KIF5C: variants seen among roughly 807,000 people sequenced by gnomAD.
KIF5C encodes the protein kinesin heavy chain isoform 5C.
A neutral mutation model predicts 125.2 loss-of-function variants in KIF5C; 18 were observed. The ratio of observed to expected loss-of-function variants is 0.14; its 90% CI spans 0.10 to 0.21. The LOEUF is 0.21. Among genes scored for constraint, KIF5C ranks in the 10% least tolerant of loss-of-function variants. The probability of loss-of-function intolerance (pLI) is 1.00; values close to 1 mark genes in which losing one functional copy is unlikely to be tolerated. For synonymous variants in KIF5C, 405 were observed against 434.0 expected (o/e 0.93, Z 0.83); for missense variants, 780 against 1,183.8 (o/e 0.66, Z 5.01).
At chr2:148,887,482 A>G (rs1280864091) in intron 1 of KIF5C, among the ~76,000 whole-genome samples, 1 of 152,180 alleles carries the variant, frequency 6.6e-6, no homozygotes, top group Non-Finnish European at 1.5e-5. Flanking sequence ...CGCTATCAAT[A>G]ACCTAAGTCC....
In KIF5C at chr2:149,025,534, C is replaced by T. The variant is rs1309931306; in HGVS notation, c.*2464C>T. 6.6e-6 allele frequency: 1 copy of T among 152,296 alleles called. No individual in the cohort carries two copies. Among genetic ancestry groups the T allele is most frequent in the African/African-American group, 2.4e-5 (1 of 41,434 alleles). 9.4% of individuals were successfully genotyped at this position (152,296 alleles called of 1,614,324 possible). A position where few individuals can be genotyped will look rare whatever the true frequency, so the allele number is the denominator to read the frequency against. ...GCTCCCTGTACTTTAAATGTAAAAACCACACTTCTGAACAACTAAGCTCAT... is the reference window on the plus strand; with the variant it reads ...GCTCCCTGTACTTTAAATGTAAAAATCACACTTCTGAACAACTAAGCTCAT... On this transcript the variant is annotated 3_prime_UTR_variant, in exon 26 of 26. Coordinates refer to ENST00000435030, the MANE Select transcript of KIF5C (RefSeq NM_004522.3).
intron 1 of KIF5C, among the ~76,000 whole-genome samples, chr2:148,921,139 G>A (rs1272883790): frequency 6.6e-6 from 1 of 152,192 alleles, no homozygotes; most frequent in Non-Finnish European, 1.5e-5. Flanking sequence ...TAAATGCCCA[G>A]TAACTCCTTA....
At chr2:149,013,259 G>A (rs1006751515) in intron 25 of KIF5C, among the ~76,000 whole-genome samples, 1 of 152,178 alleles carries the variant, frequency 6.6e-6, no homozygotes, top group African/African-American at 2.4e-5. Context: ...CCTGCCTCCT[G>A]AACTCAAGGC....
intron 10 of KIF5C, 123 bp downstream of exon 10, chr2:148,950,585 G>T: frequency 1.5e-6 from 2 of 1,346,396 alleles, no homozygotes; most frequent in Non-Finnish European, 1.9e-6. Flanking sequence ...AAGGCGGGTG[G>T]ATTGCCTGAG....
intron 1 of KIF5C, among the ~76,000 whole-genome samples, chr2:148,885,041 GCTCACTGCAACCTCCGCCTCCA>G (rs1263682061): frequency 6.6e-6 from 1 of 150,448 alleles, no homozygotes; most frequent in African/African-American, 2.5e-5. Flanking sequence ...CACGATCTTG[GCTCACTGCAACCTCCGCCTCCA>G]CTCACTGCAA....
chr2:148,968,779 T>C (rs1680816304), intron 11 of KIF5C, among the ~76,000 whole-genome samples: 1 of 152,002 alleles, frequency 6.6e-6, no homozygotes, highest in Admixed American at 6.5e-5. Context: ...TTTTTTTTTT[T>C]TAACATCACA....
rs141619713 is a variant in KIF5C, at chr2:149,016,521, G to C, written c.*7+4838G>C. On this transcript the variant is annotated intron_variant, in intron 25 of 25. Transcript: ENST00000435030. ...AGAGCAAGAAGAGGAGGAAGGAAGG[G>C]AATCAAGGTAGTTCCTAGATTTTTG... is the stretch of plus-strand genomic sequence containing the variant. Among the ~76,000 whole-genome samples, 198 of 152,234 alleles carry C rather than the reference G, an allele frequency of 1.3e-3. 1 individual carries two copies. The highest frequency in any genetic ancestry group is 4.1e-3 in the African/African-American group (172 of 41,518).
In KIF5C at chr2:149,000,542, AT is replaced by A; in HGVS notation, c.2312+21del. ...AAGCTCTTGTGAGTGCACTCTAAAT[AT>A]TTCCTCTATTTTCTCTCATCCCCAT... On this transcript the variant is annotated intron_variant, in intron 20 of 25. Transcript: ENST00000435030. 1 of 1,547,502 alleles carries A rather than the reference AT, an allele frequency of 6.5e-7. No homozygotes were observed. The highest frequency in any genetic ancestry group is 8.8e-7 in the Non-Finnish European group (1 of 1,140,734).
At chr2:148,940,762 G>T (rs556387706) in intron 4 of KIF5C, among the ~76,000 whole-genome samples, 5 of 152,292 alleles carry the variant, frequency 3.3e-5, no homozygotes, top group African/African-American at 1.2e-4. Flanking sequence ...TTTTGACATC[G>T]TAAAGCCCTA....
chr2:148,943,235 A>G (rs1274572676), intron 7 of KIF5C, among the ~76,000 whole-genome samples: 1 of 152,220 alleles, frequency 6.6e-6, no homozygotes, highest in African/African-American at 2.4e-5. Flanking sequence ...GAAGGAAGTC[A>G]GAAAGCAGAG....
At chr2:148,935,960 G>A (rs1306370719) in intron 3 of KIF5C, among the ~76,000 whole-genome samples, 1 of 152,180 alleles carries the variant, frequency 6.6e-6, no homozygotes, top group Non-Finnish European at 1.5e-5. Flanking sequence ...GCATTCCAGA[G>A]GAGTATCCAT....
intron 21 of KIF5C, among the ~76,000 whole-genome samples, chr2:149,002,195 T>C (rs1281378028): frequency 1.3e-5 from 2 of 152,250 alleles, no homozygotes; most frequent in Non-Finnish European, 2.9e-5. Flanking sequence ...AATTTCACTA[T>C]ATTTCTACCA....
chr2:148,933,216 CT>C (rs1204535905), intron 3 of KIF5C, among the ~76,000 whole-genome samples: 1 of 152,070 alleles, frequency 6.6e-6, no homozygotes, highest in Non-Finnish European at 1.5e-5. Flanking sequence ...TTTGGTGTCC[CT>C]CAAGCAAGCC....
chr2:148,925,060 C>G (rs778817523), intron 2 of KIF5C, among the ~76,000 whole-genome samples: 1 of 152,132 alleles, frequency 6.6e-6, no homozygotes, highest in South Asian at 2.1e-4. Context: ...CACGGGAACA[C>G]AGAAGAATGT....
At chr2:148,913,195 A>C (rs940755846) in intron 1 of KIF5C, among the ~76,000 whole-genome samples, 2 of 152,204 alleles carry the variant, frequency 1.3e-5, no homozygotes, top group African/African-American at 2.4e-5. Flanking sequence ...GAATTCTTAG[A>C]AAATCTATAG....
chr2:148,989,273 A>C lies in KIF5C; in HGVS notation c.1717-1737A>C, dbSNP rs139695842. 3.3e-5 allele frequency among the ~76,000 whole-genome samples: 5 copies of C among 151,422 alleles called. 1 individual carries two copies. The highest frequency in any genetic ancestry group is 1.2e-4 in the African/African-American group (5 of 41,206). The stretch of plus-strand genomic sequence containing the variant: ...ACTTAGAATAATAGTCTCCAATTCC[A>C]CCCAGGTTGCTCCGAATGCCACTAT... On this transcript the variant is annotated intron_variant, in intron 15 of 25. Transcript: ENST00000435030.
chr2:149,016,989 G>C (rs909040143), intron 25 of KIF5C, among the ~76,000 whole-genome samples: 6 of 152,126 alleles, frequency 3.9e-5, no homozygotes, highest in Admixed American at 3.9e-4. Flanking sequence ...GAAGGAAGGT[G>C]GTCAGCTCAG....
intron 1 of KIF5C, among the ~76,000 whole-genome samples, chr2:148,889,468 C>T (rs1221265030): frequency 6.6e-6 from 1 of 152,182 alleles, no homozygotes; most frequent in East Asian, 1.9e-4. Flanking sequence ...TGCTGTACCC[C>T]ACTCCCCAAC....
intron 11 of KIF5C, 69 bp downstream of exon 11, chr2:148,962,188 CAG>C: frequency 4.7e-6 from 7 of 1,487,884 alleles, no homozygotes; most frequent in South Asian, 1.4e-5. Flanking sequence ...TTTTTTGAGA[CAG>C]AGTCTCTCTC....
Sources: allele counts gnomAD v4.1 joint callset (sites outside exome capture counted in the v4.1 genomes callset), GRCh38; gene constraint gnomAD v4.1.1; transcripts MANE v1.5; gene names NCBI Gene and HGNC (gene_info 2026-07-23, HGNC 2026-07-21).